Variants in PPM1B observed in about 807,000 individuals in gnomAD.
PPM1B encodes protein phosphatase, Mg2+/Mn2+ dependent 1B.
A neutral mutation model predicts 43.0 loss-of-function variants in PPM1B; 22 were observed. The observed-to-expected ratio is 0.51, with a 90% CI of 0.37 to 0.73. The LOEUF (loss-of-function observed/expected upper bound fraction) is 0.73, where lower values mean the gene tolerates loss of function less well. PPM1B is among the 30% of genes least tolerant of loss of function. PPM1B has a pLI of 0.00. For missense variants in PPM1B, 632 were observed against 584.2 expected, an observed-to-expected ratio of 1.08 and a Z score of -0.84; for synonymous variants, 217 against 197.9, an observed-to-expected ratio of 1.10 and a Z score of -0.81.
chr2:44,219,274 T>C (rs1232867854), intron 5 of PPM1B: 1 of 151,780 alleles, frequency 6.6e-6, no homozygotes, highest in African/African-American at 2.4e-5. Context: ...TGTCTAAAAA[T>C]AAATTATTTA....
downstream of PPM1B, among the ~76,000 whole-genome samples, chr2:44,246,888 T>C (rs1385155241): frequency 6.6e-6 from 1 of 152,186 alleles, no homozygotes; most frequent in South Asian, 2.1e-4. Context: ...CTTTTTATTC[T>C]GTATGTATGT....
intron 1 of PPM1B, among the ~76,000 whole-genome samples, chr2:44,182,088 T>C (rs1487809414): frequency 1.3e-5 from 2 of 152,194 alleles, no homozygotes; most frequent in Non-Finnish European, 2.9e-5. Flanking sequence ...TTCTTACGAC[T>C]GATAGTTGGC....
intron 5 of PPM1B, among the ~76,000 whole-genome samples, chr2:44,224,978 T>G (rs1572751665): frequency 1.3e-5 from 2 of 152,170 alleles, no homozygotes; most frequent in East Asian, 3.8e-4. Context: ...CCATAATGTA[T>G]TCAACAGAGC....
downstream of PPM1B, among the ~76,000 whole-genome samples, chr2:44,238,198 C>A (rs1042299806): frequency 6.6e-6 from 1 of 152,062 alleles, no homozygotes; most frequent in African/African-American, 2.4e-5. Context: ...CCACCGCACC[C>A]AGCCTGAAAT....
At chr2:44,218,711 A>ACTTC (rs543657820) in intron 5 of PPM1B, 174 bp downstream of exon 5, 396 of 568,852 alleles carry the variant, frequency 7.0e-4, no homozygotes, top group African/African-American at 6.5e-3. Flanking sequence ...AAATGAAGGT[A>ACTTC]GAGATAAAAT....
chr2:44,228,282 G>A (rs935671655), intron 5 of PPM1B, among the ~76,000 whole-genome samples: 12 of 138,008 alleles, frequency 8.7e-5, no homozygotes, highest in African/African-American at 2.3e-4. Flanking sequence ...CAACCTCCTC[G>A]ACTTAGCTCA....
At chr2:44,179,994 A>C (rs1667786209) in intron 1 of PPM1B, among the ~76,000 whole-genome samples, 1 of 143,454 alleles carries the variant, frequency 7.0e-6, no homozygotes, top group Non-Finnish European at 1.5e-5. Flanking sequence ...GGGCAACAAG[A>C]GCGAAACTTC....
chr2:44,192,600 A>G (rs1668459925), intron 1 of PPM1B, among the ~76,000 whole-genome samples: 1 of 152,228 alleles, frequency 6.6e-6, no homozygotes, highest in Non-Finnish European at 1.5e-5. Flanking sequence ...GTTATAACAT[A>G]TGTATGCAGT....
chr2:44,235,114 T>C (rs1289882024), downstream of PPM1B, among the ~76,000 whole-genome samples: 1 of 152,226 alleles, frequency 6.6e-6, no homozygotes, highest in Admixed American at 6.5e-5. Context: ...TTGGTTGCAA[T>C]GTGAAATCGG....
intron 1 of PPM1B, 128 bp downstream of exon 1, chr2:44,169,402 C>T (rs1179548237): frequency 1.3e-5 from 2 of 152,388 alleles, no homozygotes; most frequent in African/African-American, 4.8e-5. Flanking sequence ...TCCGAATCCT[C>T]GCTGCTTTCC....
Position 44,169,147 on chromosome 2 carries a change from C to CGGCGGAGGA in PPM1B, c.-137_-136insAGGAGGCGG. ...CGGGCGGTGTAAACAGCCCCGGAGG[C>CGGCGGAGGA]GGCGGTCGAGACCCCGAGGGGGAAG... On this transcript the variant is annotated 5_prime_UTR_variant, in exon 1 of 6. Coordinates refer to ENST00000282412, the MANE Select transcript of PPM1B (RefSeq NM_002706.6). 5.8e-6 allele frequency: 1 copy of CGGCGGAGGA among 173,512 alleles called. No homozygotes were observed. The highest frequency in any genetic ancestry group is 1.2e-5 in the Non-Finnish European group (1 of 80,836). 10.7% of individuals were successfully genotyped at this position (173,512 alleles called of 1,614,324 possible).
downstream of PPM1B, among the ~76,000 whole-genome samples, chr2:44,235,756 T>C (rs1051856138): frequency 1.3e-5 from 2 of 151,732 alleles, no homozygotes; most frequent in Non-Finnish European, 2.9e-5. Context: ...CTAAGTACTC[T>C]AGCATGGTGT....
At chr2:44,190,439 G>A (rs530152006) in intron 1 of PPM1B, among the ~76,000 whole-genome samples, 6 of 152,134 alleles carry the variant, frequency 3.9e-5, no homozygotes, top group African/African-American at 7.2e-5. Flanking sequence ...GATTACAGGC[G>A]TGAGCCACTG....
chr2:44,214,251 T>A (rs1488150950), intron 3 of PPM1B, among the ~76,000 whole-genome samples: 1 of 152,126 alleles, frequency 6.6e-6, no homozygotes, highest in Admixed American at 6.5e-5. Flanking sequence ...GGCTAATTTT[T>A]TGTATTTTTA....
Position 44,209,258 on chromosome 2 carries a change from C to T in PPM1B, c.895C>T (p.Pro299Ser). ...SIVLVCFSNA[P>S]KVSDEAVKKD... ...TGTACTAGTTTGCTTTTCAAATGCT[C>T]CCAAGGTCTCAGATGAAGCGGTGAA... Residue 299 changes from proline (P) to serine (S), a missense_variant, in exon 3 of 6, where the codon CCC (proline) becomes TCC (serine). Pro to Ser is a moderately conservative substitution (Grantham distance 74). Transcript: ENST00000282412. 8 of 1,613,640 alleles carry T rather than the reference C, an allele frequency of 5.0e-6. No individual in the cohort carries two copies. Among genetic ancestry groups the T allele is most frequent in the Non-Finnish European group, 6.8e-6 (8 of 1,179,846 alleles).
In PPM1B at chr2:44,169,095, A is replaced by AGCG. The variant is rs1558379256; in HGVS notation, c.-194_-193insGCG. ...GGCGCTAGGGTGGAGAGAAGGCGGCATCGGCGGCGGCGGCGGCGTGAGGGG... is the reference window on the plus strand; with the variant it reads ...GGCGCTAGGGTGGAGAGAAGGCGGCAGCGTCGGCGGCGGCGGCGGCGTGAGGGG... On this transcript the variant is annotated 5_prime_UTR_variant, in exon 1 of 6. Transcript: ENST00000282412. The AGCG allele has an allele frequency of 1.5e-4, 27 of 184,848 alleles. No individual in the cohort carries two copies. The highest frequency in any genetic ancestry group is 3.8e-4 in the Admixed American group (6 of 15,758). 11.5% of individuals were successfully genotyped at this position (184,848 alleles called of 1,614,324 possible).
In PPM1B at chr2:44,209,300, G is replaced by T. The variant is rs1382402982; in HGVS notation, c.937G>T (p.Asp313Tyr). The T allele has an allele frequency of 1.2e-6, 2 of 1,613,868 alleles. No homozygotes were observed. The highest frequency in any genetic ancestry group is 1.7e-5 in the Admixed American group (1 of 59,988). Reference sequence around the variant, plus strand: ...AGCGGTGAAAAAAGATTCAGAGTTGGATAAGCACTTGGAATCACGGGTTGA... The same window carrying T: ...AGCGGTGAAAAAAGATTCAGAGTTGTATAAGCACTTGGAATCACGGGTTGA... ...DEAVKKDSEL[D>Y]KHLESRVEEI... The change falls in exon 3 of 6, where the codon GAT (aspartate) becomes TAT (tyrosine). Residue 313 changes from aspartate (D) to tyrosine (Y), a missense_variant. By Grantham distance (160) the Asp-to-Tyr change is radical. Transcript: ENST00000282412.
chr2:44,226,967 TATTTATGA>T (rs1343872735), intron 5 of PPM1B, among the ~76,000 whole-genome samples: 313 of 141,918 alleles, frequency 2.2e-3, no homozygotes, highest in Middle Eastern at 0.011. Context: ...TTTATTTATT[TATTTATGA>T]ATGAATGAAT....
chr2:44,218,861 T>A, intron 5 of PPM1B: 1 of 465,538 alleles, frequency 2.1e-6, no homozygotes, highest in Non-Finnish European at 4.3e-6. Flanking sequence ...AATGCTCTTT[T>A]AAATATCTCA....
Sources: allele counts gnomAD v4.1 joint callset (sites outside exome capture counted in the v4.1 genomes callset), GRCh38; gene constraint gnomAD v4.1.1; transcripts MANE v1.5; gene names NCBI Gene and HGNC (gene_info 2026-07-23, HGNC 2026-07-21).